The following TASP1 variants were observed in gnomAD, a reference collection of about 807,000 sequenced individuals.
TASP1 encodes taspase 1, also known as threonine aspartase 1.
In TASP1, 16 loss-of-function variants were observed where a neutral mutation model predicts 56.6. The ratio of observed to expected loss-of-function variants is 0.28; its 90% confidence interval spans 0.19 to 0.43. The LOEUF (loss-of-function observed/expected upper bound fraction) is 0.43, where lower values mean the gene tolerates loss of function less well. Among genes scored for constraint, TASP1 ranks in the 20% least tolerant of loss-of-function variants. TASP1 has a pLI of 1.00. For synonymous variants in TASP1, 179 were observed against 184.2 expected, an observed-to-expected ratio of 0.97 and a Z score of 0.23; for missense variants, 393 against 511.6, an observed-to-expected ratio of 0.77 and a Z score of 2.24.
chr20:13,244,985 T>C, the TASP1 span, among the ~76,000 whole-genome samples: 2 of 152,170 alleles, frequency 1.3e-5, no homozygotes, highest in Admixed American at 6.5e-5. Flanking sequence ...TTTCTTTTTA[T>C]AAAATGTTCC....
At chr20:13,476,364 T>C (rs1020714440) in intron 11 of TASP1, among the ~76,000 whole-genome samples, 3 of 152,178 alleles carry the variant, frequency 2.0e-5, no homozygotes, top group African/African-American at 7.2e-5. Context: ...AGGACTACCT[T>C]ACACAAAAAT....
At chr20:13,235,927 C>CTTTTTTTTTTTTTTTTTTTTT in the TASP1 span, among the ~76,000 whole-genome samples, 1 of 149,582 alleles carries the variant, frequency 6.7e-6, no homozygotes, top group Non-Finnish European at 1.5e-5. Context: ...TTGTACTTCC[C>CTTTTTTTTTTTTTTTTTTTTT]TTTTTTCTTT....
intron 11 of TASP1, among the ~76,000 whole-genome samples, chr20:13,470,672 T>C (rs2044455237): frequency 1.3e-5 from 2 of 152,188 alleles, no homozygotes; most frequent in African/African-American, 4.8e-5. Context: ...TGTACACATT[T>C]TAGAAGCAAA....
intron 11 of TASP1, 78 bp from the exon 12 acceptor site, chr20:13,435,232 C>CA: frequency 1.9e-6 from 2 of 1,068,748 alleles, no homozygotes; most frequent in Non-Finnish European, 2.7e-6. Context: ...ATTATTAGAA[C>CA]AAAAATGTGG....
chr20:13,144,762 TG>T, the TASP1 span, among the ~76,000 whole-genome samples: 4 of 152,088 alleles, frequency 2.6e-5, no homozygotes, highest in Non-Finnish European at 5.9e-5. Flanking sequence ...TATGTGTGTG[TG>T]TGTGTATATA....
At chr20:13,129,832 T>C in the TASP1 span, among the ~76,000 whole-genome samples, 1 of 152,218 alleles carries the variant, frequency 6.6e-6, no homozygotes, top group Non-Finnish European at 1.5e-5. Flanking sequence ...AGGTAGTAGA[T>C]ATTTCCCTTG....
At chr20:13,615,686 G>T (rs1379430924) in intron 4 of TASP1, among the ~76,000 whole-genome samples, 10 of 151,814 alleles carry the variant, frequency 6.6e-5, no homozygotes, top group African/African-American at 2.4e-5. Flanking sequence ...TGTATTTTTA[G>T]TAGAGACGGG....
chr20:13,164,617 G>T, the TASP1 span: 3 of 665,804 alleles, frequency 4.5e-6, no homozygotes, highest in South Asian at 5.8e-5. Context: ...TACGGATCTT[G>T]CTTCTTTTCT....
In TASP1 at chr20:13,390,257, G is replaced by C. The variant is rs1011608493; in HGVS notation, c.*103C>G. On this transcript the variant is annotated 3_prime_UTR_variant, in exon 14 of 14. Transcript: ENST00000337743. ...CGAGCAGTGCACGAGGTTGCAATAGGAATTATAAAACAAGAAAGATAAAAC... is the reference window on the plus strand; with the variant it reads ...CGAGCAGTGCACGAGGTTGCAATAGCAATTATAAAACAAGAAAGATAAAAC... The C allele has an allele frequency of 1.9e-6, 2 of 1,062,774 alleles. No individual in the cohort carries two copies. The highest frequency in any genetic ancestry group is 1.4e-6 in the Non-Finnish European group (1 of 718,518). 65.8% of individuals were successfully genotyped at this position (1,062,774 alleles called of 1,614,324 possible).
intron 5 of TASP1, among the ~76,000 whole-genome samples, chr20:13,583,367 G>T (rs2047191468): frequency 6.6e-6 from 1 of 152,182 alleles, no homozygotes; most frequent in African/African-American, 2.4e-5. Flanking sequence ...GTGAATGATA[G>T]CCACACCTTC....
chr20:13,191,425 C>T, the TASP1 span, among the ~76,000 whole-genome samples: 39 of 152,216 alleles, frequency 2.6e-4, no homozygotes, highest in South Asian at 7.9e-3. Context: ...ATTATAATTT[C>T]TGCATTTTGC....
At chr20:13,374,366 G>C in the TASP1 span, among the ~76,000 whole-genome samples, 7 of 113,384 alleles carry the variant, frequency 6.2e-5, no homozygotes, top group South Asian at 1.9e-3. Flanking sequence ...TTTTTTTTTT[G>C]AGACAGAGTC....
chr20:13,141,844 G>A, the TASP1 span, among the ~76,000 whole-genome samples: 6,088 of 152,312 alleles, frequency 0.04, 127 homozygotes, highest in African/African-American at 0.064. Context: ...TTAATCACCT[G>A]TGCTGGGGGG....
the TASP1 span, among the ~76,000 whole-genome samples, chr20:13,379,695 GTCACTTCCAGGTACA>G: frequency 6.6e-6 from 1 of 152,082 alleles, no homozygotes; most frequent in Non-Finnish European, 1.5e-5. Flanking sequence ...CATTCTCCCT[GTCACTTCCAGGTACA>G]CCAATCAAAC....
At chr20:13,362,205 T>C in the TASP1 span, among the ~76,000 whole-genome samples, 3 of 150,586 alleles carry the variant, frequency 2.0e-5, no homozygotes, top group Non-Finnish European at 2.9e-5. Flanking sequence ...CACTATTTTG[T>C]TTTATTTTTC....
At chr20:13,288,790 TC>T in the TASP1 span, 1 of 1,178,438 alleles carries the variant, frequency 8.5e-7, no homozygotes, top group Middle Eastern at 2.0e-4. Flanking sequence ...ACTTTTCTTT[TC>T]TTTTTTTTTT....
the TASP1 span, among the ~76,000 whole-genome samples, chr20:13,331,683 T>C: frequency 1.1e-4 from 16 of 150,856 alleles, no homozygotes; most frequent in South Asian, 2.1e-3. Flanking sequence ...CTTTTTTTTT[T>C]TTTTTCTGTC....
chr20:13,516,654 CTTTG>C (rs765451047), intron 10 of TASP1, among the ~76,000 whole-genome samples: 1 of 126,522 alleles, frequency 7.9e-6, no homozygotes, highest in African/African-American at 2.9e-5. Flanking sequence ...GATCTTACGC[CTTTG>C]TTTTTTTTTT....
chr20:13,354,451 C>T, the TASP1 span, among the ~76,000 whole-genome samples: 7,022 of 152,180 alleles, frequency 0.046, 502 homozygotes, highest in African/African-American at 0.16. Context: ...ATGAGATTTC[C>T]ATTGCGCTAG....
Sources: gnomAD v4.1 joint callset for allele counts (sites outside exome capture counted in the v4.1 genomes callset) on GRCh38, gnomAD v4.1.1 for gene constraint, MANE v1.5 for transcripts, NCBI Gene and HGNC (gene_info 2026-07-23, HGNC 2026-07-21) for gene names.